GPR55: variants seen among roughly 807,000 people sequenced by gnomAD.
The protein encoded by GPR55 is G-protein coupled receptor 55.
A neutral mutation model predicts 7.9 loss-of-function variants in GPR55; 6 were observed. The ratio of observed to expected loss-of-function variants is 0.76; its 90% CI spans 0.41 to 1.49. GPR55 has a LOEUF of 1.49. Ranked by LOEUF, GPR55 falls within the 40% of genes most tolerant of loss-of-function variation. The probability of loss-of-function intolerance (pLI) is 0.01; values close to 1 mark genes in which losing one functional copy is unlikely to be tolerated. For synonymous variants in GPR55, 183 were observed against 166.8 expected (o/e 1.10, Z -0.75); for missense variants, 376 against 406.0 (o/e 0.93, Z 0.63).
Position 230,918,002 on chromosome 2 carries a change from A to G in GPR55, c.-134-6906T>C, listed in dbSNP as rs537486891. Among the ~76,000 whole-genome samples, 5 of 152,296 alleles carry G rather than the reference A, an allele frequency of 3.3e-5. No homozygotes were observed. The South Asian group carries it at 8.3e-4, about 25-fold the overall frequency. ...ATAAACACATTGCCCTAACTGCTTT[A>G]ATTTTCTTTAAGGACATTAAATAAA... is the stretch of plus-strand genomic sequence containing the variant. On this transcript the variant is annotated intron_variant, in intron 1 of 1. Coordinates refer to ENST00000650999, the MANE Select transcript of GPR55 (RefSeq NM_005683.4).
At chr2:230,911,131 T>C in intron 1 of GPR55, 35 bp from the exon 2 acceptor site, 1 of 654,866 alleles carries the variant, frequency 1.5e-6, no homozygotes. Flanking sequence ...CCTTTAATCC[T>C]GCTGCCCAGA....
At chr2:230,919,941 G>C (rs897193896) in intron 1 of GPR55, among the ~76,000 whole-genome samples, 10 of 151,014 alleles carry the variant, frequency 6.6e-5, no homozygotes, top group Admixed American at 6.6e-4. Flanking sequence ...CATTCAGAAT[G>C]ATTTCAACTG....
At chr2:230,929,239 C>T (rs80076862), upstream of GPR55, among the ~76,000 whole-genome samples, 2,472 of 152,248 alleles carry the variant, frequency 0.016, 92 homozygotes, top group East Asian at 0.16. Flanking sequence ...TTCCTGGAGC[C>T]TTTGCCAAGT....
upstream of GPR55, chr2:230,928,581 CA>C (rs1394953273): frequency 6.6e-6 from 1 of 152,072 alleles, no homozygotes; most frequent in African/African-American, 2.4e-5. Context: ...GGCATGGTAA[CA>C]GGGGTAAGTG....
intron 1 of GPR55, among the ~76,000 whole-genome samples, chr2:230,958,899 CTT>C (rs1430294154): frequency 6.6e-6 from 1 of 152,152 alleles, no homozygotes; most frequent in Non-Finnish European, 1.5e-5. Flanking sequence ...TTCTTTCTAT[CTT>C]TATTAGCCGG....
At chr2:230,930,554 G>A (rs537164072) in intron 1 of GPR55, among the ~76,000 whole-genome samples, 8 of 151,144 alleles carry the variant, frequency 5.3e-5, no homozygotes, top group African/African-American at 4.9e-5. Context: ...GGGCTAAAGC[G>A]ATCCTCCCAC....
chr2:230,932,176 A>C (rs892505887), intron 1 of GPR55, among the ~76,000 whole-genome samples: 4 of 152,072 alleles, frequency 2.6e-5, no homozygotes, highest in African/African-American at 9.7e-5. Context: ...AAACACCTCC[A>C]CGCCACCAGC....
At chr2:230,952,816 G>A (rs9973618) in intron 1 of GPR55, among the ~76,000 whole-genome samples, 1,769 of 152,218 alleles carry the variant, frequency 0.012, 43 homozygotes, top group African/African-American at 0.04. Context: ...TGCCTTCCTG[G>A]CCCTTCTCTC....
chr2:230,940,121 G>A (rs923271194), intron 1 of GPR55, among the ~76,000 whole-genome samples: 1 of 152,042 alleles, frequency 6.6e-6, no homozygotes, highest in Non-Finnish European at 1.5e-5. Flanking sequence ...CAAATGGCTT[G>A]GGGCAGCTAC....
chr2:230,923,770 TC>T lies in GPR55; in HGVS notation c.-135+1397del, dbSNP rs1690891544. ...AGTAAGGCTTAGAGATGTTAAAGAT[TC>T]TACCCAAGGTCAAAAAGGCCGTGAG... On this transcript the variant is annotated intron_variant, in intron 1 of 1. Transcript: ENST00000650999. This position sits in a 1 kb window ranked among gnomAD's most constrained non-coding sequence, Gnocchi z 4.1. 6.6e-6 allele frequency among the ~76,000 whole-genome samples: 1 copy of T among 152,128 alleles called. No homozygotes were observed. The highest frequency in any genetic ancestry group is 1.5e-5 in the Non-Finnish European group (1 of 68,024).
At chr2:230,927,950 C>G (rs1447254912), upstream of GPR55, among the ~76,000 whole-genome samples, 1 of 152,204 alleles carries the variant, frequency 6.6e-6, no homozygotes, top group African/African-American at 2.4e-5. Flanking sequence ...TGCTCCCAAG[C>G]CTGCCCCAGA....
At position 230,910,738 on chromosome 2, in the gene GPR55, G is replaced by A. The variant is rs920072040; in HGVS notation, c.225C>T (p.Leu75=). The A allele has an allele frequency of 6.2e-7, 1 of 1,613,986 alleles. No homozygotes were observed. The highest frequency in any genetic ancestry group is 8.5e-7 in the Non-Finnish European group (1 of 1,179,960). ...ACAGGACCATCTTGAATGGGAGGGA[G>A]AGCACCAGCAGCAGGTCAAAGACTG... ...NLAVFDLLLV[L]SLPFKMVLSQ... The change falls in exon 2 of 2, where the codon CTC becomes CTT. Residue 75 remains leucine, a synonymous_variant. Coordinates refer to ENST00000650999, the MANE Select transcript of GPR55 (RefSeq NM_005683.4). This position sits in a 1 kb window ranked among gnomAD's most constrained non-coding sequence, Gnocchi z 5.4.
intron 1 of GPR55, among the ~76,000 whole-genome samples, chr2:230,922,671 G>A (rs1411589936): frequency 6.6e-6 from 1 of 151,922 alleles, no homozygotes; most frequent in African/African-American, 2.4e-5. Flanking sequence ...TGCCTCCCAG[G>A]TTCAAGCAAT....
upstream of GPR55, among the ~76,000 whole-genome samples, chr2:230,926,202 C>T (rs1409270496): frequency 6.6e-6 from 1 of 152,236 alleles, no homozygotes; most frequent in African/African-American, 2.4e-5. Flanking sequence ...CCTTGCAAGT[C>T]ACTGCAGGGG....
At chr2:230,917,740 A>G (rs1690748442) in intron 1 of GPR55, among the ~76,000 whole-genome samples, 1 of 152,288 alleles carries the variant, frequency 6.6e-6, no homozygotes, top group South Asian at 2.1e-4. Context: ...GCTTGAGTCC[A>G]GGAGGTCGAG....
rs1265983724 is a variant in GPR55 at position 230,908,579 on chromosome 2, A to T, written c.*1424T>A. On this transcript the variant is annotated 3_prime_UTR_variant, in exon 2 of 2. Transcript: ENST00000650999. ...TCCAAATGCTTCTCTTCTTCCCCTCAGGTCACCACCCCTCCCAAGCCCTTC... is the reference window on the plus strand; with the variant it reads ...TCCAAATGCTTCTCTTCTTCCCCTCTGGTCACCACCCCTCCCAAGCCCTTC... The T allele has an allele frequency of 6.5e-6, 1 of 152,930 alleles. No homozygotes were observed. The highest frequency in any genetic ancestry group is 1.5e-5 in the Non-Finnish European group (1 of 68,484). The allele number at this position is 152,930 out of a possible 1,614,324, so 9.5% of individuals were successfully genotyped here.
At chr2:230,947,417 C>A (rs957246881) in intron 1 of GPR55, among the ~76,000 whole-genome samples, 2 of 152,084 alleles carry the variant, frequency 1.3e-5, no homozygotes, top group African/African-American at 4.8e-5. Context: ...TAATTGGGAC[C>A]CTGGTTACAT....
chr2:230,916,037 T>C (rs779805963), intron 1 of GPR55, among the ~76,000 whole-genome samples: 42 of 151,342 alleles, frequency 2.8e-4, no homozygotes, highest in Non-Finnish European at 4.9e-4. Context: ...TAAGTTATGA[T>C]GAATATAGTT....
chr2:230,940,659 T>C (rs1003740702), intron 1 of GPR55, among the ~76,000 whole-genome samples: 3 of 152,174 alleles, frequency 2.0e-5, no homozygotes, highest in Non-Finnish European at 4.4e-5. Flanking sequence ...CCTGCCTCCC[T>C]GGGGGCCCAT....
Sources: allele counts gnomAD v4.1 joint callset (sites outside exome capture counted in the v4.1 genomes callset), GRCh38; gene constraint gnomAD v4.1.1; non-coding constraint Gnocchi (gnomAD v3.1); transcripts MANE v1.5; gene names NCBI Gene and HGNC (gene_info 2026-07-23, HGNC 2026-07-21).